The following ZNF142 variants were observed in gnomAD, a reference collection of about 807,000 sequenced individuals.
ZNF142 encodes the protein zinc finger protein 142, also known as zinc finger protein 142 (clone pHZ-49).
ZNF142 carries 96 observed loss-of-function variants against 132.1 expected under a neutral mutation model. The ratio of observed to expected loss-of-function variants is 0.73; its 90% CI spans 0.62 to 0.86. ZNF142 has a LOEUF of 0.86. Among genes scored for constraint, ZNF142 ranks in the 40% least tolerant of loss-of-function variants. The pLI is 0.00. For missense variants in ZNF142, 2,163 were observed against 2,336.2 expected (o/e 0.93, Z 1.53); for synonymous variants, 842 against 890.1 (o/e 0.95, Z 0.96).
rs955435345 is a variant in ZNF142 at position 218,635,729 on chromosome 2, T to G, written c.*2610A>C. ...CCAAAAAGCTTCTTCTCCCCTGGGG[T>G]TGGGAGTAGGGTCGGGTGGGGCTGG... On this transcript the variant is annotated 3_prime_UTR_variant, in exon 11 of 11. Coordinates refer to ENST00000411696, the MANE Select transcript of ZNF142 (RefSeq NM_001379659.1). 8 of 1,547,642 alleles carry G rather than the reference T, an allele frequency of 5.2e-6. No individual in the cohort carries two copies. The highest frequency in any genetic ancestry group is 7.0e-6 in the Non-Finnish European group (8 of 1,144,792).
chr2:218,652,080 A>G lies in ZNF142; in HGVS notation c.501T>C (p.Pro167=). 1 of 454,732 alleles carries G rather than the reference A, an allele frequency of 2.2e-6. No homozygotes were observed. Among genetic ancestry groups the G allele is most frequent in the South Asian group, 1.6e-5 (1 of 64,142 alleles). The allele number at this position is 454,732 out of a possible 1,614,324, so 28.2% of individuals were successfully genotyped here. A position where few individuals can be genotyped will look rare whatever the true frequency, so the allele number is the denominator to read the frequency against. ...GTTGGGCAAACTCCTGTCTACACAC[A>G]GGGCATGATAGGGGGCTAACTGGCG... ...QSPPVSPLSC[P]VCRQEFAQPQ... Residue 167 remains proline, a synonymous_variant, in exon 5 of 11, where the codon CCT becomes CCC. Coordinates refer to ENST00000411696, the MANE Select transcript of ZNF142 (RefSeq NM_001379659.1).
rs1696861788 is a variant in ZNF142, at chr2:218,638,166, T to C, written c.*173A>G. Reference sequence around the variant, plus strand: ...AACGTTATAGTCCATGTCCCTCTTTTATATGGGTGATAATTTCAAAGTACT... The same window carrying C: ...AACGTTATAGTCCATGTCCCTCTTTCATATGGGTGATAATTTCAAAGTACT... On this transcript the variant is annotated 3_prime_UTR_variant, in exon 11 of 11. Coordinates refer to ENST00000411696, the MANE Select transcript of ZNF142 (RefSeq NM_001379659.1). 3 of 516,516 alleles carry C rather than the reference T, an allele frequency of 5.8e-6. No homozygotes were observed. Among genetic ancestry groups the C allele is most frequent in the Non-Finnish European group, 9.2e-6 (3 of 325,350 alleles). The allele number at this position is 516,516 out of a possible 1,614,324, so 32.0% of individuals were successfully genotyped here.
Position 218,643,221 on chromosome 2 carries a change from G to C in ZNF142, c.3895C>G (p.Gln1299Glu). ...GDGDTVLVQKQKGARFSCPTC... is the reference protein window; with the variant it reads ...GDGDTVLVQKEKGARFSCPTC... ...GGGCAGGAGAAGCGAGCCCCCTTCT[G>C]CTTTTGAACCAGAACTGTATCCCCA... The change falls in exon 9 of 11, where the codon CAG becomes GAG. Residue 1299 changes from glutamine (Q) to glutamate (E), a missense_variant. Physicochemically the swap from Gln to Glu is conservative, Grantham distance 29. Coordinates refer to ENST00000411696, the MANE Select transcript of ZNF142 (RefSeq NM_001379659.1). 6.2e-7 allele frequency: 1 copy of C among 1,614,234 alleles called. No homozygotes were observed. Among genetic ancestry groups the C allele is most frequent in the African/African-American group, 1.3e-5 (1 of 75,062 alleles).
At chr2:218,641,943 G>C in intron 9 of ZNF142, 85 bp downstream of exon 9, 1 of 1,483,516 alleles carries the variant, frequency 6.7e-7, no homozygotes, top group Non-Finnish European at 9.1e-7. Flanking sequence ...CTAATATCTG[G>C]AGGAGTCAGC....
At position 218,634,626 on chromosome 2, in the gene ZNF142, T is replaced by C. The variant is rs753614726; in HGVS notation, c.*3713A>G. 1.2e-6 allele frequency: 2 copies of C among 1,612,748 alleles called. No individual in the cohort carries two copies. The highest frequency in any genetic ancestry group is 1.7e-6 in the Non-Finnish European group (2 of 1,179,512). ...CCTTTCAAAGCCCAGACTCTCTTAA[T>C]CCAGGTACAGTGGAAATAAACTGTT... On this transcript the variant is annotated 3_prime_UTR_variant, in exon 11 of 11. Coordinates refer to ENST00000411696, the MANE Select transcript of ZNF142 (RefSeq NM_001379659.1). This position sits in a 1 kb window ranked among gnomAD's most constrained non-coding sequence, Gnocchi z 4.0.
In ZNF142 at chr2:218,635,882, C is replaced by T. The variant is rs1289281551; in HGVS notation, c.*2457G>A. On this transcript the variant is annotated 3_prime_UTR_variant, in exon 11 of 11. Transcript: ENST00000411696. Reference sequence around the variant, plus strand: ...CACTGGTGAAAGTGCAGATCTTTGGCGTTCGTCTAGACACAGCACGGCAGG... The same window carrying T: ...CACTGGTGAAAGTGCAGATCTTTGGTGTTCGTCTAGACACAGCACGGCAGG... 6.2e-7 allele frequency: 1 copy of T among 1,613,908 alleles called. No homozygotes were observed. Among genetic ancestry groups the T allele is most frequent in the South Asian group, 1.1e-5 (1 of 91,076 alleles).
intron 7 of ZNF142, among the ~76,000 whole-genome samples, chr2:218,647,432 A>AAAAAAAAAAAAAAAAAAAAAAC (rs1697839117): frequency 2.0e-5 from 3 of 148,768 alleles, no homozygotes; most frequent in Non-Finnish European, 4.5e-5. Flanking sequence ...CAAAAAAAAA[A>AAAAAAAAAAAAAAAAAAAAAAC]AAAGCCTCCT....
In ZNF142 at chr2:218,648,892, C is replaced by T; in HGVS notation, c.1616G>A (p.Ser539Asn). 6.2e-7 allele frequency: 1 copy of T among 1,614,160 alleles called. No homozygotes were observed. The highest frequency in any genetic ancestry group is 8.5e-7 in the Non-Finnish European group (1 of 1,180,050). Residue 539 changes from serine to asparagine, a missense_variant, in exon 7 of 11, where the codon AGT (serine) becomes AAT (asparagine). Ser to Asn is a conservative substitution (Grantham distance 46). Around this residue, in one of 7 missense-constraint regions of ZNF142, gnomAD observed 749 missense variants for 830.3 expected, o/e 0.90. Coordinates refer to ENST00000411696, the MANE Select transcript of ZNF142 (RefSeq NM_001379659.1). ...TAEAMEAHHK[S>N]HYAFHCPHCD... ...GTGGGGGCAGTGGAAGGCGTAGTGA[C>T]TCTTGTGGTGGGCCTCCATGGCTTC...
Position 218,643,958 on chromosome 2 carries a change from A to C in ZNF142, c.3158T>G (p.Leu1053Arg). 1 of 1,614,130 alleles carries C rather than the reference A, an allele frequency of 6.2e-7. No individual in the cohort carries two copies. Among genetic ancestry groups the C allele is most frequent in the Non-Finnish European group, 8.5e-7 (1 of 1,179,998 alleles). Residue 1053 changes from leucine to arginine, a missense_variant, in exon 9 of 11, where the codon CTG (leucine) becomes CGG (arginine). Coordinates refer to ENST00000411696, the MANE Select transcript of ZNF142 (RefSeq NM_001379659.1). ...FITRREKALNLHSRTGCQGRR... is the reference protein window; with the variant it reads ...FITRREKALNRHSRTGCQGRR... ...GCCTTGGCACCCAGTCCTGGAGTGC[A>C]GATTCAGGGCCTTCTCCCGGCGAGT...
At position 218,649,459 on chromosome 2, in the gene ZNF142, C is replaced by T. The variant is rs1019176926; in HGVS notation, c.1049G>A (p.Gly350Glu). Residue 350 changes from glycine to glutamate, a missense_variant and splice_region_variant, in exon 7 of 11, where the codon GGG (glycine) becomes GAG (glutamate). Gly to Glu is a moderately conservative substitution (Grantham distance 98, BLOSUM62 -2). This residue lies in a region of ZNF142 where 749 missense variants were observed against 830.3 expected (regional missense o/e 0.90). Coordinates refer to ENST00000411696, the MANE Select transcript of ZNF142 (RefSeq NM_001379659.1). ...DKGQGAQRLE[G>E]DVVSGTESLF... is the part of the protein sequence containing the mutation. ...GGACTCGGTGCCAGAGACCACATCC[C>T]CTGGGAAAGGGAATACAGAGAGTTG... 2 of 1,582,136 alleles carry T rather than the reference C, an allele frequency of 1.3e-6. No individual in the cohort carries two copies. The highest frequency in any genetic ancestry group is 1.7e-6 in the Non-Finnish European group (2 of 1,163,060).
rs769095480 is a variant in ZNF142, at chr2:218,644,764, G to A, written c.2352C>T (p.Ser784=). Reference sequence around the variant, plus strand: ...GTTTATGGAACAAGAGTGTGGTGTTGCTGAAGGTGCGGTAGTCACAGAGGG... The same window carrying A: ...GTTTATGGAACAAGAGTGTGGTGTTACTGAAGGTGCGGTAGTCACAGAGGG... The part of the protein sequence containing the change: ...HCALCDYRTF[S]NTTLLFHKRK... The change falls in exon 9 of 11, where the codon AGC becomes AGT. Residue 784 remains serine (S), a synonymous_variant. Coordinates refer to ENST00000411696, the MANE Select transcript of ZNF142 (RefSeq NM_001379659.1). This position sits in a 1 kb window ranked among gnomAD's most constrained non-coding sequence, Gnocchi z 4.6. The A allele has an allele frequency of 1.2e-6, 2 of 1,614,230 alleles. No individual in the cohort carries two copies. The highest frequency in any genetic ancestry group is 3.3e-5 in the Admixed American group (2 of 60,028).
Position 218,649,475 on chromosome 2 carries a change from C to T in ZNF142, c.1049-16G>A. On this transcript the variant is annotated splice_polypyrimidine_tract_variant and intron_variant, in intron 6 of 10. Coordinates refer to ENST00000411696, the MANE Select transcript of ZNF142 (RefSeq NM_001379659.1). ...ACCACATCCCCTGGGAAAGGGAATA[C>T]AGAGAGTTGAGAGAGTGAGATTTTT... The T allele has an allele frequency of 6.4e-7, 1 of 1,551,652 alleles. No homozygotes were observed. The highest frequency in any genetic ancestry group is 1.2e-5 in the South Asian group (1 of 83,252).
Position 218,636,724 on chromosome 2 carries a change from C to G in ZNF142, c.*1615G>C. 1 of 844,542 alleles carries G rather than the reference C, an allele frequency of 1.2e-6. No homozygotes were observed. Among genetic ancestry groups the G allele is most frequent in the Non-Finnish European group, 1.9e-6 (1 of 531,878 alleles). 52.3% of individuals were successfully genotyped at this position (844,542 alleles called of 1,614,324 possible). On this transcript the variant is annotated 3_prime_UTR_variant, in exon 11 of 11. Coordinates refer to ENST00000411696, the MANE Select transcript of ZNF142 (RefSeq NM_001379659.1). The stretch of plus-strand genomic sequence containing the variant: ...CACAAAATTACCTCATTCTTCCTAA[C>G]AAGCAATCTGGGACCTGATTTTCCA...
chr2:218,636,783 C>T lies in ZNF142; in HGVS notation c.*1556G>A. 3.1e-6 allele frequency: 2 copies of T among 645,288 alleles called. No homozygotes were observed. Among genetic ancestry groups the T allele is most frequent in the East Asian group, 6.1e-5 (2 of 32,820 alleles). The allele number at this position is 645,288 out of a possible 1,614,324, so 40.0% of individuals were successfully genotyped here. A position where few individuals can be genotyped will look rare whatever the true frequency, so the allele number is the denominator to read the frequency against. On this transcript the variant is annotated 3_prime_UTR_variant, in exon 11 of 11. Transcript: ENST00000411696. ...CTCTTTTCTTCCCTTCCTTTGTTTT[C>T]ATAAGCCTTTGGTATCTTTCCTGCC... is the stretch of plus-strand genomic sequence containing the variant.
rs147125119 is a variant in ZNF142 at position 218,652,161 on chromosome 2, A to G, written c.420T>C (p.Ser140=). The G allele has an allele frequency of 3.1e-3, 1,409 of 453,512 alleles. 53 individuals are homozygous for G. The East Asian group carries it at 0.069, about 22-fold the overall frequency. The allele number at this position is 453,512 out of a possible 1,614,324, so 28.1% of individuals were successfully genotyped here. The change falls in exon 5 of 11, where the codon TCT becomes TCC. Residue 140 remains serine, a synonymous_variant. Transcript: ENST00000411696. Reference sequence around the variant, plus strand: ...TTGGGTTGCTGGGAGGCAGCTCTACAGAGCATGGGGGGCTAGAGAGGCCCT... The same window carrying G: ...TTGGGTTGCTGGGAGGCAGCTCTACGGAGCATGGGGGGCTAGAGAGGCCCT... ...PVQGLSSPPC[S]VELPPSNPTL...
rs374701812 is a variant in ZNF142 at position 218,644,304 on chromosome 2, C to G, written c.2812G>C (p.Glu938Gln). ...CCAATACCTTCAAAGCTAGATAGCTCTGGTCCTTCCAGTCCATCTGGCCCT... is the reference window on the plus strand; with the variant it reads ...CCAATACCTTCAAAGCTAGATAGCTGTGGTCCTTCCAGTCCATCTGGCCCT... ...LEGPDGLEGPELSSFEGIGTS... is the reference protein window; with the variant it reads ...LEGPDGLEGPQLSSFEGIGTS... The change falls in exon 9 of 11, where the codon GAG becomes CAG. Residue 938 changes from glutamate (E) to glutamine (Q), a missense_variant. Transcript: ENST00000411696. The surrounding 1 kb of genome is among the most constrained non-coding windows in gnomAD (Gnocchi z 4.6). The G allele has an allele frequency of 1.2e-6, 2 of 1,614,020 alleles. No individual in the cohort carries two copies. Among genetic ancestry groups the G allele is most frequent in the Non-Finnish European group, 1.7e-6 (2 of 1,180,028 alleles).
In ZNF142 at chr2:218,644,846, T is replaced by C; in HGVS notation, c.2270A>G (p.Gln757Arg). 6.2e-7 allele frequency: 1 copy of C among 1,614,232 alleles called. No homozygotes were observed. Among genetic ancestry groups the C allele is most frequent in the South Asian group, 1.1e-5 (1 of 91,086 alleles). ...GCAGTTCTCATGGCTCAGCACAGCC[T>C]GCTTGTGGCGGCTCTGGTAACTGCA... ...HYCSYQSRHK[Q>R]AVLSHENCKH... The change falls in exon 9 of 11, where the codon CAG (glutamine) becomes CGG (arginine). Residue 757 changes from glutamine to arginine, a missense_variant. Transcript: ENST00000411696. The surrounding 1 kb of genome is among the most constrained non-coding windows in gnomAD (Gnocchi z 4.6).
Position 218,638,479 on chromosome 2 carries a change from T to A in ZNF142, c.5524A>T (p.Arg1842Trp). 1 of 1,598,902 alleles carries A rather than the reference T, an allele frequency of 6.3e-7. No homozygotes were observed. The highest frequency in any genetic ancestry group is 8.5e-7 in the Non-Finnish European group (1 of 1,170,168). Residue 1842 changes from arginine to tryptophan, a missense_variant, in exon 11 of 11, where the codon AGG (arginine) becomes TGG (tryptophan). Transcript: ENST00000411696. ...GGGTCGGCTTGGTCAGGGTGGTGCC[T>A]GCGTACGTGCTTGACCACCTGGAAC... ...QKFQVVKHVR[R>W]HHPDQADPNQ...
In ZNF142 at chr2:218,649,477, G is replaced by GAA. The variant is rs1284226917; in HGVS notation, c.1049-19_1049-18insTT. On this transcript the variant is annotated intron_variant, in intron 6 of 10. Transcript: ENST00000411696. The stretch of plus-strand genomic sequence containing the variant: ...CACATCCCCTGGGAAAGGGAATACA[G>GAA]AGAGTTGAGAGAGTGAGATTTTTCT... 1 of 1,516,304 alleles carries GAA rather than the reference G, an allele frequency of 6.6e-7. No homozygotes were observed. The highest frequency in any genetic ancestry group is 8.8e-7 in the Non-Finnish European group (1 of 1,131,836). 93.9% of individuals were successfully genotyped at this position (1,516,304 alleles called of 1,614,324 possible).
Sources: allele counts gnomAD v4.1 joint callset (sites outside exome capture counted in the v4.1 genomes callset), GRCh38; gene constraint gnomAD v4.1.1; regional missense constraint gnomAD v4.1.1; non-coding constraint Gnocchi (gnomAD v3.1); transcripts MANE v1.5; gene names NCBI Gene and HGNC (gene_info 2026-07-23, HGNC 2026-07-21).